The following FRY variants were observed in gnomAD, a reference collection of about 807,000 sequenced individuals.
FRY encodes protein furry homolog.
Under a neutral mutation model 348.4 loss-of-function variants are expected in FRY, and 128 were observed. The ratio of observed to expected loss-of-function variants is 0.37; its 90% CI spans 0.32 to 0.43. The LOEUF (loss-of-function observed/expected upper bound fraction) is 0.43, where lower values mean the gene tolerates loss of function less well. FRY is among the 20% of genes least tolerant of loss of function. The pLI is 1.00. For missense variants in FRY, 2,736 were observed against 3,695.2 expected, an observed-to-expected ratio of 0.74 and a Z score of 6.73; for synonymous variants, 1,370 against 1,374.7, an observed-to-expected ratio of 1.00 and a Z score of 0.08.
chr13:32,166,399 C>T (rs1044360338), intron 17 of FRY, among the ~76,000 whole-genome samples: 2 of 152,182 alleles, frequency 1.3e-5, no homozygotes, highest in African/African-American at 2.4e-5. Context: ...CTGTCCCCCA[C>T]CCTCATCCTT....
At chr13:32,086,556 G>A (rs1357527703) in intron 2 of FRY, among the ~76,000 whole-genome samples, 1 of 152,182 alleles carries the variant, frequency 6.6e-6, no homozygotes, top group Non-Finnish European at 1.5e-5. Context: ...AGGAGCTGCA[G>A]TGGAAGCTAA....
intron 29 of FRY, among the ~76,000 whole-genome samples, chr13:32,195,587 G>T (rs1883627213): frequency 6.6e-6 from 1 of 152,100 alleles, no homozygotes; most frequent in South Asian, 2.1e-4. Flanking sequence ...CAAATTTATT[G>T]CATTGCATGG....
intron 36 of FRY, among the ~76,000 whole-genome samples, chr13:32,223,231 T>C (rs1407802848): frequency 6.6e-6 from 1 of 152,158 alleles, no homozygotes; most frequent in Non-Finnish European, 1.5e-5. Context: ...GTGCTAGGAT[T>C]ACAGGGGTGA....
intron 14 of FRY, among the ~76,000 whole-genome samples, chr13:32,152,268 G>A (rs901688820): frequency 2.6e-5 from 4 of 152,090 alleles, no homozygotes; most frequent in African/African-American, 7.2e-5. Context: ...TCAACAAGCT[G>A]ATTCCAAAAT....
rs1397243303 is a variant in FRY, at chr13:32,295,386, A to C, written c.8968A>C (p.Ile2990Leu). 6.2e-7 allele frequency: 1 copy of C among 1,613,094 alleles called. No individual in the cohort carries two copies. Among genetic ancestry groups the C allele is most frequent in the Non-Finnish European group, 8.5e-7 (1 of 1,179,918 alleles). The change falls in exon 61 of 61, where the codon ATC (isoleucine) becomes CTC (leucine). Residue 2990 changes from isoleucine (I) to leucine (L), a missense_variant. Around this residue, in one of 9 missense-constraint regions of FRY, gnomAD observed 157 missense variants for 215.2 expected, o/e 0.73. Coordinates refer to ENST00000542859, the MANE Select transcript of FRY (RefSeq NM_023037.3). Reference protein sequence around the residue: ...MELNMEIRDMIRRAQSYRVLT... With the variant: ...MELNMEIRDMLRRAQSYRVLT... ...GCTGAACATGGAGATCCGGGACATG[A>C]TCCGCAGGGCCCAGAGTTACCGAGT...
At chr13:32,124,908 A>C (rs761849496) in intron 7 of FRY, 33 bp downstream of exon 7, 2 of 1,465,986 alleles carry the variant, frequency 1.4e-6, no homozygotes, top group African/African-American at 2.8e-5. Flanking sequence ...TACCATGAGA[A>C]CGTGCGTGCT....
intron 56 of FRY, chr13:32,275,269 T>G: frequency 3.3e-6 from 1 of 299,850 alleles, no homozygotes; most frequent in Non-Finnish European, 6.6e-6. Context: ...GCGCCTGTAA[T>G]CCCAGCTACT....
intron 23 of FRY, 104 bp from the exon 24 acceptor site, chr13:32,182,873 A>G: frequency 1.3e-6 from 1 of 744,586 alleles, no homozygotes; most frequent in Non-Finnish European, 2.4e-6. Flanking sequence ...TCAGAAGCAA[A>G]GTGTAAAAAG....
intron 57 of FRY, among the ~76,000 whole-genome samples, chr13:32,276,831 T>C (rs1888560067): frequency 6.6e-6 from 1 of 152,214 alleles, no homozygotes. Context: ...ACTTGATATG[T>C]TACTTACCAA....
In FRY at chr13:32,173,507, C is replaced by A; in HGVS notation, c.2292C>A (p.Leu764=). The A allele has an allele frequency of 6.2e-7, 1 of 1,613,700 alleles. No homozygotes were observed. Among genetic ancestry groups the A allele is most frequent in the South Asian group, 1.1e-5 (1 of 91,050 alleles). ...CACGCAAACTGTCCGTTTTAATACT[C>A]AAGGAAATTCGAGCGTTGTTTATTG... is the stretch of plus-strand genomic sequence containing the variant. The part of the protein sequence containing the change: ...VATRKLSVLI[L]KEIRALFIAL... The change falls in exon 19 of 61, where the codon CTC becomes CTA. Residue 764 remains leucine, a synonymous_variant. Coordinates refer to ENST00000542859, the MANE Select transcript of FRY (RefSeq NM_023037.3).
At chr13:32,139,745 T>C (rs1385922519) in intron 11 of FRY, among the ~76,000 whole-genome samples, 1 of 152,224 alleles carries the variant, frequency 6.6e-6, no homozygotes, top group African/African-American at 2.4e-5. Context: ...CAGGAACTCT[T>C]GGTCCGTGGT....
At chr13:32,258,945 G>A (rs1887480553) in intron 51 of FRY, among the ~76,000 whole-genome samples, 1 of 151,966 alleles carries the variant, frequency 6.6e-6, no homozygotes, top group Admixed American at 6.6e-5. Flanking sequence ...AATAATTCTT[G>A]TTTGACAGAG....
intron 1 of FRY, among the ~76,000 whole-genome samples, chr13:32,064,051 T>G (rs543775172): frequency 6.6e-6 from 1 of 152,316 alleles, no homozygotes; most frequent in African/African-American, 2.4e-5. Flanking sequence ...TTCCTTGCCC[T>G]TGTTGCAGTT....
At chr13:32,150,404 G>A (rs943704502) in intron 14 of FRY, among the ~76,000 whole-genome samples, 5 of 152,118 alleles carry the variant, frequency 3.3e-5, no homozygotes, top group Non-Finnish European at 5.9e-5. Flanking sequence ...AACACTGTCA[G>A]CCAACAGAAG....
chr13:32,267,364 G>T lies in FRY; in HGVS notation c.8136+5G>T. 1 of 1,612,952 alleles carries T rather than the reference G, an allele frequency of 6.2e-7. No homozygotes were observed. The highest frequency in any genetic ancestry group is 1.1e-5 in the South Asian group (1 of 91,056). ...GTGTTCTCCTCCTTGTTTAAGGTAT[G>T]TGTGCTCACTGAAAGTGCAGAGGAC... On this transcript the variant is annotated splice_donor_5th_base_variant and intron_variant, in intron 55 of 60. Coordinates refer to ENST00000542859, the MANE Select transcript of FRY (RefSeq NM_023037.3).
intron 35 of FRY, among the ~76,000 whole-genome samples, chr13:32,218,461 A>C (rs568112634): frequency 6.6e-6 from 1 of 152,264 alleles, no homozygotes; most frequent in Admixed American, 6.5e-5. Flanking sequence ...CGGGCGGATC[A>C]CGAGGTCAGG....
chr13:32,165,971 C>T (rs753034479), intron 17 of FRY, among the ~76,000 whole-genome samples: 15 of 152,178 alleles, frequency 9.9e-5, no homozygotes, highest in Admixed American at 1.3e-4. Context: ...TCTCCATCAC[C>T]GCAGACAGGG....
chr13:32,167,823 G>T lies in FRY; in HGVS notation c.1893-3189G>T, dbSNP rs115266386. Among the ~76,000 whole-genome samples the T allele has an allele frequency of 3.8e-3, 575 of 152,216 alleles. 3 individuals carry two copies. The highest frequency in any genetic ancestry group is 0.013 in the African/African-American group (553 of 41,528). On this transcript the variant is annotated intron_variant, in intron 17 of 60. Coordinates refer to ENST00000542859, the MANE Select transcript of FRY (RefSeq NM_023037.3). ...AAATTAGAATAATAAACATAAGATG[G>T]GGAAATGACTTCAAGTGCTTTTCAT...
chr13:32,069,321 T>C (rs1874472099), intron 1 of FRY, among the ~76,000 whole-genome samples: 1 of 152,146 alleles, frequency 6.6e-6, no homozygotes, highest in Admixed American at 6.5e-5. Flanking sequence ...GGAGAGACCT[T>C]CATGGCCTAA....
Sources: allele counts gnomAD v4.1 joint callset (sites outside exome capture counted in the v4.1 genomes callset), GRCh38; gene constraint gnomAD v4.1.1; regional missense constraint gnomAD v4.1.1; transcripts MANE v1.5; gene names NCBI Gene and HGNC (gene_info 2026-07-23, HGNC 2026-07-21).